The following RBMS3 variants were observed in gnomAD, a reference collection of about 807,000 sequenced individuals.
RBMS3 encodes the protein RNA-binding motif, single-stranded-interacting protein 3.
In RBMS3, 27 loss-of-function variants were observed where a neutral mutation model predicts 66.8. The observed-to-expected ratio is 0.40, with a 90% CI of 0.30 to 0.56. The LOEUF (loss-of-function observed/expected upper bound fraction) is 0.56, where lower values mean the gene tolerates loss of function less well. RBMS3 is among the 20% of genes least tolerant of loss of function. The pLI, the probability that RBMS3 is intolerant of heterozygous loss-of-function variation, is 0.40. For synonymous variants in RBMS3, 188 were observed against 183.0 expected, an observed-to-expected ratio of 1.03 and a Z score of -0.22; for missense variants, 513 against 549.5, an observed-to-expected ratio of 0.93 and a Z score of 0.66.
intron 6 of RBMS3, among the ~76,000 whole-genome samples, chr3:29,856,145 A>G (rs1286512918): frequency 6.6e-6 from 1 of 152,222 alleles, no homozygotes; most frequent in African/African-American, 2.4e-5. Context: ...TTTATTCATT[A>G]CTTAGTCTTT....
At chr3:29,932,549 C>A (rs901752041) in intron 10 of RBMS3, among the ~76,000 whole-genome samples, 1 of 152,138 alleles carries the variant, frequency 6.6e-6, no homozygotes, top group Non-Finnish European at 1.5e-5. Context: ...TGGCACTGAC[C>A]TAGAATACTA....
chr3:29,767,994 G>A (rs2056007942), intron 6 of RBMS3, among the ~76,000 whole-genome samples: 1 of 151,928 alleles, frequency 6.6e-6, no homozygotes, highest in African/African-American at 2.4e-5. Flanking sequence ...TGATTGTTCT[G>A]CTCAGGTGGC....
At chr3:29,931,459 C>T (rs2061122561) in intron 10 of RBMS3, among the ~76,000 whole-genome samples, 1 of 152,120 alleles carries the variant, frequency 6.6e-6, no homozygotes, top group Non-Finnish European at 1.5e-5. Context: ...CCACCTTTGC[C>T]ACATCTTTTG....
intron 6 of RBMS3, among the ~76,000 whole-genome samples, chr3:29,805,239 G>C (rs752206240): frequency 6.6e-6 from 1 of 151,920 alleles, no homozygotes; most frequent in African/African-American, 2.4e-5. Flanking sequence ...CATGTTATTG[G>C]TGATGCTGGG....
At chr3:29,549,753 T>C (rs2046116920) in intron 3 of RBMS3, among the ~76,000 whole-genome samples, 1 of 150,940 alleles carries the variant, frequency 6.6e-6, no homozygotes, top group Non-Finnish European at 1.5e-5. Flanking sequence ...ATATATGGAA[T>C]GCTTAACAAG....
chr3:29,311,324 G>A (rs549269592), intron 1 of RBMS3, among the ~76,000 whole-genome samples: 1 of 151,850 alleles, frequency 6.6e-6, no homozygotes, highest in Admixed American at 6.6e-5. Context: ...GCCTAGGTTT[G>A]AAAAATCTAA....
chr3:29,634,492 C>T (rs930565857), intron 4 of RBMS3, among the ~76,000 whole-genome samples: 1 of 151,832 alleles, frequency 6.6e-6, no homozygotes, highest in African/African-American at 2.4e-5. Context: ...GAAACAGCAG[C>T]CCCTCATCAC....
chr3:29,959,670 T>G (rs1331829710), intron 12 of RBMS3, among the ~76,000 whole-genome samples: 2 of 152,086 alleles, frequency 1.3e-5, no homozygotes, highest in African/African-American at 4.8e-5. Flanking sequence ...GAGGTTTAAT[T>G]GACTTACAGT....
intron 4 of RBMS3, among the ~76,000 whole-genome samples, chr3:29,598,977 A>G (rs1341357689): frequency 6.6e-6 from 1 of 152,094 alleles, no homozygotes; most frequent in Admixed American, 6.6e-5. Context: ...AAAATTGTGC[A>G]GTAACAGAAC....
At chr3:29,943,493 CT>C (rs780920236) in intron 11 of RBMS3, among the ~76,000 whole-genome samples, 12 of 151,748 alleles carry the variant, frequency 7.9e-5, no homozygotes, top group Non-Finnish European at 1.8e-4. Flanking sequence ...CATGTAACCC[CT>C]AATTTTGAAA....
At chr3:29,551,152 ACC>A (rs2046167992) in intron 3 of RBMS3, among the ~76,000 whole-genome samples, 1 of 152,156 alleles carries the variant, frequency 6.6e-6, no homozygotes, top group South Asian at 2.1e-4. Context: ...AATAGTGTAA[ACC>A]TTGTCATGGA....
rs770761462 is a variant in RBMS3, at chr3:29,762,967, G to A, written c.615G>A (p.Leu205=). 1 of 1,608,018 alleles carries A rather than the reference G, an allele frequency of 6.2e-7. No homozygotes were observed. The highest frequency in any genetic ancestry group is 1.1e-5 in the South Asian group (1 of 90,238). ...TTCAACATTTTAATGGAAAATATCT[G>A]AAAACACCACCAGGCATCCCAGGTA... ...VVIQHFNGKY[L]KTPPGIPAPS... Residue 205 remains leucine (L), a synonymous_variant, in exon 6 of 15, where the codon CTG becomes CTA. Coordinates refer to ENST00000383767, the MANE Select transcript of RBMS3 (RefSeq NM_001003793.3).
At chr3:29,493,537 C>A (rs1168983354) in intron 3 of RBMS3, among the ~76,000 whole-genome samples, 1 of 151,994 alleles carries the variant, frequency 6.6e-6, no homozygotes, top group Admixed American at 6.5e-5. Flanking sequence ...CAATATCAAG[C>A]AAGACAAAAA....
At chr3:29,503,660 A>C (rs1232421329) in intron 3 of RBMS3, among the ~76,000 whole-genome samples, 1 of 152,018 alleles carries the variant, frequency 6.6e-6, no homozygotes, top group Admixed American at 6.6e-5. Context: ...TGCTGATAGG[A>C]TTTTTATAGG....
Position 29,685,006 on chromosome 3 carries a change from A to G in RBMS3, c.400-54714A>G, listed in dbSNP as rs1422523633. 2.0e-5 allele frequency among the ~76,000 whole-genome samples: 3 copies of G among 151,836 alleles called. No individual in the cohort carries two copies. The East Asian group carries it at 5.8e-4, about 29-fold the overall frequency. On this transcript the variant is annotated intron_variant, in intron 4 of 14. Coordinates refer to ENST00000383767, the MANE Select transcript of RBMS3 (RefSeq NM_001003793.3). ...GTATGTGTGTAAGTATAAGTTTTAT[A>G]TTTTTCAGGGGTAAAACAGTTTCCG...
At chr3:29,798,726 C>T (rs2057294821) in intron 6 of RBMS3, among the ~76,000 whole-genome samples, 2 of 152,136 alleles carry the variant, frequency 1.3e-5, no homozygotes, top group South Asian at 2.1e-4. Context: ...TGAAACTAAG[C>T]TGACCAGATG....
chr3:29,581,492 C>A (rs866121397), intron 3 of RBMS3, among the ~76,000 whole-genome samples: 46 of 152,248 alleles, frequency 3.0e-4, no homozygotes, highest in Non-Finnish European at 2.4e-4. Context: ...ATTCTGAGCC[C>A]AGACAACAGC....
At chr3:29,458,227 C>T (rs139138326) in intron 2 of RBMS3, among the ~76,000 whole-genome samples, 1 of 152,168 alleles carries the variant, frequency 6.6e-6, no homozygotes, top group Non-Finnish European at 1.5e-5. Context: ...TGAAATAACA[C>T]AGTGACTGGC....
At chr3:29,317,277 C>T (rs1447086932) in intron 1 of RBMS3, among the ~76,000 whole-genome samples, 2 of 151,768 alleles carry the variant, frequency 1.3e-5, no homozygotes, top group South Asian at 2.1e-4. Context: ...AGAAAACCAA[C>T]ATAACTGGTG....
Sources: allele counts gnomAD v4.1 joint callset (sites outside exome capture counted in the v4.1 genomes callset), GRCh38; gene constraint gnomAD v4.1.1; transcripts MANE v1.5; gene names NCBI Gene and HGNC (gene_info 2026-07-23, HGNC 2026-07-21).